Variants in RSPO2 observed in about 807,000 individuals in gnomAD.
RSPO2 encodes the protein R-spondin 2.
Under a neutral mutation model 30.9 loss-of-function variants are expected in RSPO2, and 14 were observed. That is an observed-to-expected ratio of 0.45 (90% CI 0.30 to 0.71). RSPO2 has a LOEUF of 0.71. Ranked by LOEUF, RSPO2 falls within the 30% of genes least tolerant of loss-of-function variation. The pLI, the probability that RSPO2 is intolerant of heterozygous loss-of-function variation, is 0.08. For missense variants in RSPO2, 264 were observed against 301.9 expected (o/e 0.87, Z 0.93); for synonymous variants, 107 against 96.4 (o/e 1.11, Z -0.64).
At chr8:108,003,351 G>A in intron 2 of RSPO2, among the ~76,000 whole-genome samples, 1 of 121,886 alleles carries the variant, frequency 8.2e-6, no homozygotes, top group Non-Finnish European at 1.6e-5. Flanking sequence ...TAGAGACGGG[G>A]TTTCTCCATG....
chr8:107,914,528 T>C (rs564107354), intron 5 of RSPO2, among the ~76,000 whole-genome samples: 34 of 152,122 alleles, frequency 2.2e-4, no homozygotes, highest in Non-Finnish European at 4.3e-4. Flanking sequence ...CTGTTTACTA[T>C]GTAACTAATC....
At chr8:107,954,760 A>G (rs940278477) in intron 5 of RSPO2, among the ~76,000 whole-genome samples, 3 of 151,954 alleles carry the variant, frequency 2.0e-5, no homozygotes, top group African/African-American at 7.2e-5. Flanking sequence ...ACAGGCACCC[A>G]CCACCATGCC....
intron 2 of RSPO2, among the ~76,000 whole-genome samples, chr8:108,060,776 G>A (rs533612955): frequency 6.6e-5 from 10 of 151,772 alleles, no homozygotes; most frequent in East Asian, 3.9e-4. Flanking sequence ...GTTAAGGGCA[G>A]CCAGAGAGAA....
At chr8:107,923,691 G>A (rs561284497) in intron 5 of RSPO2, among the ~76,000 whole-genome samples, 1 of 152,162 alleles carries the variant, frequency 6.6e-6, no homozygotes, top group African/African-American at 2.4e-5. Flanking sequence ...ATGATAGACT[G>A]GATAAAGAAA....
intron 2 of RSPO2, among the ~76,000 whole-genome samples, chr8:108,005,906 A>G (rs2130572488): frequency 6.6e-6 from 1 of 152,258 alleles, no homozygotes; most frequent in South Asian, 2.1e-4. Context: ...ACTATGTCTG[A>G]TACACCTTGG....
intron 2 of RSPO2, among the ~76,000 whole-genome samples, chr8:108,035,294 G>C (rs115952371): frequency 6.6e-6 from 1 of 152,122 alleles, no homozygotes; most frequent in African/African-American, 2.4e-5. Flanking sequence ...CCTACTGTGC[G>C]TCAACTCTTT....
chr8:107,958,055 C>G, intron 5 of RSPO2, 25 bp downstream of exon 5: 1 of 1,561,202 alleles, frequency 6.4e-7, no homozygotes, highest in South Asian at 1.1e-5. Context: ...ACACAGCACA[C>G]AGTAGTGATT....
intron 5 of RSPO2, among the ~76,000 whole-genome samples, chr8:107,921,859 T>G (rs1282383991): frequency 1.3e-5 from 2 of 152,170 alleles, no homozygotes; most frequent in South Asian, 4.2e-4. Context: ...AAAAAACACA[T>G]GATTACCTCA....
At chr8:107,980,342 C>T (rs1464710063) in intron 3 of RSPO2, among the ~76,000 whole-genome samples, 2 of 152,144 alleles carry the variant, frequency 1.3e-5, no homozygotes, top group Admixed American at 1.3e-4. Flanking sequence ...ACAGTCTTCC[C>T]CTCTCTTTCC....
At chr8:107,996,190 T>C (rs1392962556) in intron 2 of RSPO2, among the ~76,000 whole-genome samples, 1 of 152,112 alleles carries the variant, frequency 6.6e-6, no homozygotes, top group Non-Finnish European at 1.5e-5. Context: ...GAAATGGCTA[T>C]GGTGGAGGAA....
At chr8:107,976,251 C>A (rs988254261) in intron 3 of RSPO2, among the ~76,000 whole-genome samples, 4 of 152,094 alleles carry the variant, frequency 2.6e-5, no homozygotes, top group Non-Finnish European at 5.9e-5. Flanking sequence ...TGAACTGGAC[C>A]AAATGATGCA....
chr8:108,056,240 G>A (rs542150074), intron 2 of RSPO2, among the ~76,000 whole-genome samples: 40 of 152,108 alleles, frequency 2.6e-4, no homozygotes, highest in African/African-American at 8.9e-4. Context: ...GGCTATGCCC[G>A]GAGTCTTATG....
At chr8:108,074,742 T>C (rs1009196735) in intron 2 of RSPO2, among the ~76,000 whole-genome samples, 7 of 152,224 alleles carry the variant, frequency 4.6e-5, no homozygotes, top group African/African-American at 1.7e-4. Flanking sequence ...GAAAACCTAG[T>C]GAATTCAGGA....
chr8:107,938,432 TCACAA>T (rs1307039319), intron 5 of RSPO2, among the ~76,000 whole-genome samples: 3 of 152,108 alleles, frequency 2.0e-5, no homozygotes, highest in Non-Finnish European at 4.4e-5. Context: ...TTCTCTCTGC[TCACAA>T]CACAAAAGGT....
rs1811794802 is a variant in RSPO2, at chr8:108,042,710, A to ATGGCTTTACGGTAAC, written c.94+39834_94+39835insGTTACCGTAAAGCCA. 3.9e-5 allele frequency among the ~76,000 whole-genome samples: 6 copies of ATGGCTTTACGGTAAC among 152,286 alleles called. No homozygotes were observed. The South Asian group carries it at 1.2e-3, about 32-fold the overall frequency. On this transcript the variant is annotated intron_variant, in intron 2 of 5. Transcript: ENST00000276659. ...AGGAGGATTCACTAATGGTAAGTGC[A>ATGGCTTTACGGTAAC]GTATGGCTTTACGGCTGGGGCAACA...
rs1022218947 is a variant in RSPO2 at position 108,038,964 on chromosome 8, C to T, written c.94+43581G>A. ...TATGCCTGTATTTATATTATCAGTA[C>T]CTAGGAAGTTATTTGATAAATGCTT... On this transcript the variant is annotated intron_variant, in intron 2 of 5. Coordinates refer to ENST00000276659, the MANE Select transcript of RSPO2 (RefSeq NM_178565.5). 2.6e-5 allele frequency among the ~76,000 whole-genome samples: 4 copies of T among 152,142 alleles called. No individual in the cohort carries two copies. In the South Asian group the frequency reaches 8.3e-4, roughly 32 times the overall value.
At chr8:107,994,277 A>G (rs946262617) in intron 2 of RSPO2, among the ~76,000 whole-genome samples, 1 of 152,190 alleles carries the variant, frequency 6.6e-6, no homozygotes, top group Non-Finnish European at 1.5e-5. Flanking sequence ...TCATTAGAAA[A>G]AGTAAAGCAT....
chr8:107,910,118 GT>G (rs550133887), intron 5 of RSPO2, among the ~76,000 whole-genome samples: 694 of 152,294 alleles, frequency 4.6e-3, no homozygotes, highest in African/African-American at 0.012. Context: ...AAAGAATTAA[GT>G]TCCTCCATAG....
At chr8:108,014,844 T>TAAAAAAAAAAAAA (rs5893898) in intron 2 of RSPO2, among the ~76,000 whole-genome samples, 1 of 106,460 alleles carries the variant, frequency 9.4e-6, no homozygotes, top group African/African-American at 3.4e-5. Flanking sequence ...TAAAGTATAA[T>TAAAAAAAAAAAAA]AAAAAAAAAA....
Sources: allele counts gnomAD v4.1 joint callset (sites outside exome capture counted in the v4.1 genomes callset), GRCh38; gene constraint gnomAD v4.1.1; transcripts MANE v1.5; gene names NCBI Gene and HGNC (gene_info 2026-07-23, HGNC 2026-07-21).